KCNH5: variants seen among roughly 807,000 people sequenced by gnomAD.
KCNH5 encodes voltage-gated delayed rectifier potassium channel KCNH5.
A neutral mutation model predicts 96.1 loss-of-function variants in KCNH5; 46 were observed. That is an observed-to-expected ratio of 0.48 (90% CI 0.38 to 0.61). The LOEUF (loss-of-function observed/expected upper bound fraction) is 0.61. Among genes scored for constraint, KCNH5 ranks in the 20% least tolerant of loss-of-function variants. The pLI, the probability that KCNH5 is intolerant of heterozygous loss-of-function variation, is 0.00. For synonymous variants in KCNH5, 439 were observed against 449.8 expected (o/e 0.98, Z 0.30); for missense variants, 907 against 1,225.8 (o/e 0.74, Z 3.88).
intron 6 of KCNH5, among the ~76,000 whole-genome samples, chr14:62,971,749 T>C (rs560764368): frequency 6.6e-6 from 1 of 151,800 alleles, no homozygotes; most frequent in Non-Finnish European, 1.5e-5. Flanking sequence ...GGCAATGCAA[T>C]GGAACAAACA....
At chr14:63,039,883 T>C (rs1891790426) in intron 1 of KCNH5, among the ~76,000 whole-genome samples, 1 of 146,736 alleles carries the variant, frequency 6.8e-6, no homozygotes, top group Admixed American at 6.8e-5. Flanking sequence ...ATTTGGGGGG[T>C]GGCAAGCAAG....
rs199592316 is a variant in KCNH5, at chr14:63,016,828, T to G, written c.197+3A>C. ...AAGATTACTTAGCTATTCTGTTACC[T>G]ACCTGCAAGTGCTGCTTTTCTGCAT... On this transcript the variant is annotated splice_donor_region_variant and intron_variant, in intron 2 of 10. Transcript: ENST00000322893. 1.2e-6 allele frequency: 2 copies of G among 1,605,822 alleles called. No individual in the cohort carries two copies. Among genetic ancestry groups the G allele is most frequent in the Non-Finnish European group, 1.7e-6 (2 of 1,176,940 alleles).
intron 1 of KCNH5, among the ~76,000 whole-genome samples, chr14:63,021,613 A>G (rs1198865852): frequency 6.6e-6 from 1 of 152,046 alleles, no homozygotes; most frequent in African/African-American, 2.4e-5. Flanking sequence ...TTTCCACAGA[A>G]GTTGTCTATT....
intron 9 of KCNH5, among the ~76,000 whole-genome samples, chr14:62,795,185 C>T (rs1251963848): frequency 6.6e-6 from 1 of 152,000 alleles, no homozygotes. Flanking sequence ...CCTCTATCAA[C>T]AAAGGAGGAA....
At chr14:62,842,225 GA>G (rs1408762834) in intron 8 of KCNH5, among the ~76,000 whole-genome samples, 1 of 152,126 alleles carries the variant, frequency 6.6e-6, no homozygotes, top group Non-Finnish European at 1.5e-5. Flanking sequence ...TTGAGTGTTC[GA>G]AATTACTATT....
Position 62,950,372 on chromosome 14 carries a change from T to A in KCNH5, c.1130A>T (p.Asp377Val). ...TATTTGGATGGTGTTAGTGACTTCA[T>A]CAATGACCTCGTAGTCTCCGATGCT... ...WYSIGDYEVI[D>V]EVTNTIQIDS... The change falls in exon 7 of 11, where the codon GAT becomes GTT. Residue 377 changes from aspartate (D) to valine (V), a missense_variant. Physicochemically the swap from Asp to Val is radical, Grantham distance 152. Coordinates refer to ENST00000322893, the MANE Select transcript of KCNH5 (RefSeq NM_139318.5). The A allele has an allele frequency of 6.2e-7, 1 of 1,614,020 alleles. No individual in the cohort carries two copies. Among genetic ancestry groups the A allele is most frequent in the South Asian group, 1.1e-5 (1 of 91,076 alleles).
chr14:62,770,177 T>C (rs888905881), intron 10 of KCNH5, among the ~76,000 whole-genome samples: 48 of 152,342 alleles, frequency 3.2e-4, no homozygotes, highest in African/African-American at 1.1e-3. Flanking sequence ...ATGCTCGTAT[T>C]GCTACTGAAA....
At chr14:62,732,135 C>T (rs1021147303) in intron 10 of KCNH5, among the ~76,000 whole-genome samples, 1 of 152,114 alleles carries the variant, frequency 6.6e-6, no homozygotes, top group African/African-American at 2.4e-5. Flanking sequence ...ACACAGATCC[C>T]CACCTCTTAC....
intron 7 of KCNH5, 41 bp from the exon 8 acceptor site, chr14:62,849,893 T>C (rs760881758): frequency 3.4e-6 from 5 of 1,457,508 alleles, no homozygotes; most frequent in South Asian, 1.2e-5. Flanking sequence ...AAATATCTCA[T>C]GTGAAAAAAA....
chr14:62,865,238 T>C (rs1888111247), intron 7 of KCNH5, among the ~76,000 whole-genome samples: 1 of 152,064 alleles, frequency 6.6e-6, no homozygotes, highest in African/African-American at 2.4e-5. Context: ...ACAGACTCTC[T>C]GTATTCCCTG....
intron 4 of KCNH5, among the ~76,000 whole-genome samples, chr14:62,993,251 T>A (rs575630612): frequency 5.9e-5 from 9 of 152,264 alleles, no homozygotes; most frequent in Non-Finnish European, 1.0e-4. Context: ...GGTAATGTGA[T>A]GTCTTCAGCT....
chr14:62,703,665 T>G lies in KCNH5; in HGVS notation c.*3843A>C, dbSNP rs1473777927. ...AAGACTGTTTTTGTCTTTTCCCCCT[T>G]TCCATTAAGATGAGAAGAGAAATAC... is the stretch of plus-strand genomic sequence containing the variant. On this transcript the variant is annotated 3_prime_UTR_variant, in exon 11 of 11. Transcript: ENST00000322893. 6.6e-6 allele frequency: 1 copy of G among 151,816 alleles called. No individual in the cohort carries two copies. The highest frequency in any genetic ancestry group is 1.5e-5 in the Non-Finnish European group (1 of 67,762). 9.4% of individuals were successfully genotyped at this position (151,816 alleles called of 1,614,324 possible).
At chr14:62,877,643 A>T (rs1888403132) in intron 7 of KCNH5, among the ~76,000 whole-genome samples, 1 of 152,120 alleles carries the variant, frequency 6.6e-6, no homozygotes, top group African/African-American at 2.4e-5. Context: ...AACCACAATG[A>T]GATACCATCT....
chr14:62,726,956 T>C (rs909653083), intron 10 of KCNH5, among the ~76,000 whole-genome samples: 1 of 152,300 alleles, frequency 6.6e-6, no homozygotes, highest in Non-Finnish European at 1.5e-5. Context: ...CAGTGAATAA[T>C]GGCTGCAAAA....
At chr14:62,988,627 CA>C (rs886570530) in intron 4 of KCNH5, among the ~76,000 whole-genome samples, 5 of 149,608 alleles carry the variant, frequency 3.3e-5, no homozygotes, top group Non-Finnish European at 4.5e-5. Flanking sequence ...GTAATTAGAA[CA>C]AAAAAAAAGT....
At chr14:62,917,230 C>T (rs769072481) in intron 7 of KCNH5, among the ~76,000 whole-genome samples, 1 of 152,084 alleles carries the variant, frequency 6.6e-6, no homozygotes, top group Non-Finnish European at 1.5e-5. Flanking sequence ...TGTTGAATTA[C>T]CTAATTTATT....
chr14:62,980,336 A>G (rs753825077), intron 6 of KCNH5, among the ~76,000 whole-genome samples: 3 of 152,226 alleles, frequency 2.0e-5, no homozygotes, highest in Non-Finnish European at 4.4e-5. Context: ...CAAAAATTCA[A>G]GAATTGCTGT....
intron 8 of KCNH5, among the ~76,000 whole-genome samples, chr14:62,845,843 T>A (rs1887680637): frequency 6.6e-6 from 1 of 152,152 alleles, no homozygotes; most frequent in Non-Finnish European, 1.5e-5. Context: ...AGTCTATAGT[T>A]CAGGGAATCA....
At chr14:63,028,110 C>T (rs1891559136) in intron 1 of KCNH5, among the ~76,000 whole-genome samples, 1 of 132,094 alleles carries the variant, frequency 7.6e-6, no homozygotes, top group Non-Finnish European at 1.7e-5. Context: ...CTTTACAAAC[C>T]TCTCTCTCTC....
Sources: allele counts gnomAD v4.1 joint callset (sites outside exome capture counted in the v4.1 genomes callset), GRCh38; gene constraint gnomAD v4.1.1; transcripts MANE v1.5; gene names NCBI Gene and HGNC (gene_info 2026-07-23, HGNC 2026-07-21).